Variants in DMTF1 observed in about 807,000 individuals in gnomAD.
The protein encoded by DMTF1 is cyclin D binding myb like transcription factor 1.
In DMTF1, 39 loss-of-function variants were observed where a neutral mutation model predicts 91.1. That is an observed-to-expected ratio of 0.43 (90% CI 0.33 to 0.56). DMTF1 has a LOEUF of 0.56. Ranked by LOEUF, DMTF1 falls within the 20% of genes least tolerant of loss-of-function variation. The pLI is 0.05. For synonymous variants in DMTF1, 338 were observed against 309.5 expected (o/e 1.09, Z -0.97); for missense variants, 750 against 914.5 (o/e 0.82, Z 2.32).
chr7:87,159,664 C>T (rs1791728692), intron 1 of DMTF1, among the ~76,000 whole-genome samples: 1 of 152,072 alleles, frequency 6.6e-6, no homozygotes. Flanking sequence ...TATGGTATAA[C>T]CCATTACAAA....
At chr7:87,193,135 G>T in intron 14 of DMTF1, 63 bp from the exon 15 acceptor site, 3 of 1,568,136 alleles carry the variant, frequency 1.9e-6, no homozygotes, top group South Asian at 2.3e-5. Flanking sequence ...ACTAAACTCA[G>T]TCCGTTTTTG....
In DMTF1 at chr7:87,174,678, TG is replaced by T. The variant is rs144397319; in HGVS notation, c.519+11del. The T allele has an allele frequency of 6.3e-7, 1 of 1,583,526 alleles. No homozygotes were observed. ...TTGAACGCTATCTTAAGGTATCTTA[TG>T]GCATATTTTTATGTTTCACCAATTT... On this transcript the variant is annotated intron_variant, in intron 7 of 17. Transcript: ENST00000331242.
intron 14 of DMTF1, among the ~76,000 whole-genome samples, chr7:87,191,914 G>T (rs2129190452): frequency 6.6e-6 from 1 of 152,198 alleles, no homozygotes; most frequent in South Asian, 2.1e-4. Context: ...TATTATTAGT[G>T]CAAGACTTTA....
intron 5 of DMTF1, among the ~76,000 whole-genome samples, chr7:87,172,333 T>C (rs1795261438): frequency 6.6e-6 from 1 of 152,238 alleles, no homozygotes; most frequent in Non-Finnish European, 1.5e-5. Flanking sequence ...TTCACACTTG[T>C]TCCAGTGATT....
chr7:87,165,278 T>G (rs1368014019), intron 3 of DMTF1, among the ~76,000 whole-genome samples: 1 of 81,256 alleles, frequency 1.2e-5, no homozygotes, highest in Non-Finnish European at 3.2e-5. Flanking sequence ...AACTATAATA[T>G]ATACTTCTTT....
chr7:87,172,748 T>C (rs979905611), intron 5 of DMTF1, among the ~76,000 whole-genome samples: 1 of 152,272 alleles, frequency 6.6e-6, no homozygotes, highest in African/African-American at 2.4e-5. Flanking sequence ...TGTTGCCAGG[T>C]CTTCCTCATT....
chr7:87,189,698 T>G (rs142308055), intron 13 of DMTF1, among the ~76,000 whole-genome samples: 3 of 152,258 alleles, frequency 2.0e-5, no homozygotes, highest in Non-Finnish European at 2.9e-5. Flanking sequence ...ATCAGCAAAT[T>G]TCTTTATGTA....
intron 1 of DMTF1, among the ~76,000 whole-genome samples, chr7:87,160,821 T>C (rs913187526): frequency 6.6e-6 from 1 of 152,190 alleles, no homozygotes; most frequent in Non-Finnish European, 1.5e-5. Context: ...TGCATCTCTC[T>C]AGCTGGTCCT....
At chr7:87,165,335 G>A (rs796847438) in intron 3 of DMTF1, among the ~76,000 whole-genome samples, 5 of 152,262 alleles carry the variant, frequency 3.3e-5, no homozygotes, top group African/African-American at 1.2e-4. Flanking sequence ...ATTAGAAAAT[G>A]TAGAATTATT....
chr7:87,154,763 A>G (rs1432733133), intron 1 of DMTF1, among the ~76,000 whole-genome samples: 8 of 152,084 alleles, frequency 5.3e-5, no homozygotes, highest in Non-Finnish European at 1.0e-4. Flanking sequence ...TCCTTTTTTT[A>G]GAGATCTCTT....
chr7:87,183,876 G>A (rs936683763), intron 10 of DMTF1, among the ~76,000 whole-genome samples: 1 of 152,190 alleles, frequency 6.6e-6, no homozygotes, highest in Non-Finnish European at 1.5e-5. Flanking sequence ...GCTTGGAGTT[G>A]GGATAGTGAG....
intron 1 of DMTF1, among the ~76,000 whole-genome samples, chr7:87,158,413 A>G (rs1277075525): frequency 6.6e-6 from 1 of 152,082 alleles, no homozygotes; most frequent in African/African-American, 2.4e-5. Context: ...AAAATCTAAA[A>G]TTTAAGGAAT....
At chr7:87,166,814 A>C (rs1203526561) in intron 4 of DMTF1, among the ~76,000 whole-genome samples, 2 of 145,956 alleles carry the variant, frequency 1.4e-5, no homozygotes, top group East Asian at 3.9e-4. Flanking sequence ...AATCTTCCCA[A>C]CCTTTTTTTT....
chr7:87,187,249 A>C (rs533141998), intron 12 of DMTF1: 2 of 152,232 alleles, frequency 1.3e-5, no homozygotes, highest in African/African-American at 4.8e-5. Context: ...ATACCCAGGT[A>C]TAGGCCAGGT....
In DMTF1 at chr7:87,193,975, A is replaced by C; in HGVS notation, c.1901A>C (p.Lys634Thr). ...TCATTTAATGATGCTCATGTATCCA[A>C]ATTCAGTGACCAAAATAGCACAGAA... ...EPSFNDAHVSKFSDQNSTELM... is the reference protein window; with the variant it reads ...EPSFNDAHVSTFSDQNSTELM... The change falls in exon 16 of 18, where the codon AAA becomes ACA. Residue 634 changes from lysine (K) to threonine (T), a missense_variant. By Grantham distance (78) the Lys-to-Thr change is moderately conservative (BLOSUM62 -1). This residue lies in a region of DMTF1 where 410 missense variants were observed against 420.2 expected (regional missense o/e 0.98). Coordinates refer to ENST00000331242, the MANE Select transcript of DMTF1 (RefSeq NM_001142327.2). The C allele has an allele frequency of 6.2e-7, 1 of 1,613,412 alleles. No individual in the cohort carries two copies.
Position 87,195,743 on chromosome 7 carries a change from AGGT to A in DMTF1, c.*604_*606del, listed in dbSNP as rs1801100184. The A allele has an allele frequency of 6.6e-6, 1 of 152,530 alleles. No homozygotes were observed. Among genetic ancestry groups the A allele is most frequent in the Non-Finnish European group, 1.5e-5 (1 of 68,002 alleles). 9.4% of individuals were successfully genotyped at this position (152,530 alleles called of 1,614,324 possible). On this transcript the variant is annotated 3_prime_UTR_variant, in exon 18 of 18. Coordinates refer to ENST00000331242, the MANE Select transcript of DMTF1 (RefSeq NM_001142327.2). ...AGCATTAAAAGTTAAAATTCACTAC[AGGT>A]TTTTTGTTACTTTTAAAGGGAATAT...
At chr7:87,174,698 C>T (rs759628229) in intron 7 of DMTF1, 29 bp downstream of exon 7, 7 of 1,535,908 alleles carry the variant, frequency 4.6e-6, no homozygotes, top group Non-Finnish European at 6.3e-6. Context: ...TTATGTTTCA[C>T]CAATTTGTTT....
rs571727694 is a variant in DMTF1, at chr7:87,194,883, A to G, written c.2173+55A>G. The G allele has an allele frequency of 3.9e-6, 6 of 1,542,826 alleles. No homozygotes were observed. In the Admixed American group the frequency reaches 9.2e-5, roughly 24 times the overall value. On this transcript the variant is annotated intron_variant, in intron 17 of 17. Transcript: ENST00000331242. ...TGATAAATTTTAGATGGAAAAAAAC[A>G]GACATTTAATTAACTTGTTTCAGTC... is the stretch of plus-strand genomic sequence containing the variant.
intron 1 of DMTF1, among the ~76,000 whole-genome samples, chr7:87,161,129 G>A (rs1792253830): frequency 6.6e-6 from 1 of 152,064 alleles, no homozygotes; most frequent in South Asian, 2.1e-4. Context: ...AACTAGGTCA[G>A]TTTCTTAAAT....
Sources: allele counts gnomAD v4.1 joint callset (sites outside exome capture counted in the v4.1 genomes callset), GRCh38; gene constraint gnomAD v4.1.1; regional missense constraint gnomAD v4.1.1; transcripts MANE v1.5; gene names NCBI Gene and HGNC (gene_info 2026-07-23, HGNC 2026-07-21).